Variants in METTL8 observed in about 807,000 individuals in gnomAD.
The protein encoded by METTL8 is tRNA N(3)-cytidine methyltransferase METTL8, mitochondrial.
A neutral mutation model predicts 48.7 loss-of-function variants in METTL8; 32 were observed. That is an observed-to-expected ratio of 0.66 (90% CI 0.50 to 0.88). METTL8 has a LOEUF of 0.88. METTL8 is among the 40% of genes least tolerant of loss of function. METTL8 has a pLI of 0.00. For missense variants in METTL8, 464 were observed against 474.4 expected, an observed-to-expected ratio of 0.98 and a Z score of 0.20; for synonymous variants, 136 against 157.1, an observed-to-expected ratio of 0.87 and a Z score of 1.01.
chr2:171,416,516 G>T (rs754794197), intron 1 of METTL8, among the ~76,000 whole-genome samples: 1 of 152,168 alleles, frequency 6.6e-6, no homozygotes, highest in Admixed American at 6.5e-5. Context: ...TAAGTTCAAC[G>T]ATTTCACCTT....
chr2:171,376,398 A>G (rs1245220181), intron 2 of METTL8, among the ~76,000 whole-genome samples: 1 of 152,150 alleles, frequency 6.6e-6, no homozygotes, highest in African/African-American at 2.4e-5. Context: ...GGAAAAAAGG[A>G]AGTCAAACTA....
chr2:171,360,921 C>T (rs781326008), intron 2 of METTL8, among the ~76,000 whole-genome samples: 1 of 152,202 alleles, frequency 6.6e-6, no homozygotes, highest in Non-Finnish European at 1.5e-5. Flanking sequence ...TGTATTCTAA[C>T]ACTTTGCTGT....
intron 1 of METTL8, among the ~76,000 whole-genome samples, chr2:171,421,505 T>G (rs1252370660): frequency 6.6e-6 from 1 of 151,142 alleles, no homozygotes; most frequent in African/African-American, 2.4e-5. Context: ...ACATCATTTA[T>G]AACAATGACC....
chr2:171,348,761 G>T (rs2105441878), intron 3 of METTL8, among the ~76,000 whole-genome samples: 1 of 151,970 alleles, frequency 6.6e-6, no homozygotes, highest in East Asian at 1.9e-4. Flanking sequence ...AACTATGCGA[G>T]AATTCATTGA....
chr2:171,390,399 CA>C (rs1240091874), intron 2 of METTL8, among the ~76,000 whole-genome samples: 9 of 152,192 alleles, frequency 5.9e-5, no homozygotes, highest in African/African-American at 1.9e-4. Flanking sequence ...TTAAGAACTA[CA>C]TTTCGTAAAG....
intron 1 of METTL8, among the ~76,000 whole-genome samples, chr2:171,427,619 C>G (rs1317572669): frequency 6.6e-6 from 1 of 152,116 alleles, no homozygotes; most frequent in African/African-American, 2.4e-5. Context: ...TGCAGATCAG[C>G]TCCTCCTCAT....
intron 1 of METTL8, among the ~76,000 whole-genome samples, chr2:171,393,533 TGTA>T (rs1688783253): frequency 6.6e-6 from 1 of 152,146 alleles, no homozygotes; most frequent in Non-Finnish European, 1.5e-5. Flanking sequence ...ATCTTAATTA[TGTA>T]CTTGTAAATA....
At chr2:171,377,019 T>C (rs1687041073) in intron 2 of METTL8, among the ~76,000 whole-genome samples, 1 of 152,100 alleles carries the variant, frequency 6.6e-6, no homozygotes, top group Non-Finnish European at 1.5e-5. Context: ...TGGAACAGAA[T>C]ATAGAACTCA....
At chr2:171,391,441 T>G (rs1475208829) in intron 2 of METTL8, among the ~76,000 whole-genome samples, 1 of 152,176 alleles carries the variant, frequency 6.6e-6, no homozygotes, top group Admixed American at 6.5e-5. Context: ...CTTTAAGAAA[T>G]CTTTCTGACT....
intron 1 of METTL8, among the ~76,000 whole-genome samples, chr2:171,399,238 C>T (rs77436825): frequency 0.043 from 6,547 of 152,150 alleles, 208 homozygotes; most frequent in South Asian, 0.13. Flanking sequence ...CACTAAGGAA[C>T]AGACGAGAAA....
chr2:171,407,032 T>C (rs1309479059), intron 1 of METTL8, among the ~76,000 whole-genome samples: 4 of 152,148 alleles, frequency 2.6e-5, no homozygotes, highest in Non-Finnish European at 4.4e-5. Context: ...ATTAGGACTA[T>C]TTAGGCTTGT....
chr2:171,396,550 C>A lies in METTL8; in HGVS notation c.-12-4353G>T, dbSNP rs148613248. ...TTGTGTGCTTTTCTAATAGGCAGTG[C>A]TTTTCTAATAGGCAGCATATTGTCA... is the stretch of plus-strand genomic sequence containing the variant. On this transcript the variant is annotated intron_variant, in intron 1 of 9. Transcript: ENST00000375258. Among the ~76,000 whole-genome samples the A allele has an allele frequency of 1.4e-3, 214 of 152,206 alleles. 4 individuals carry two copies. In the East Asian group the frequency reaches 0.015, roughly 11 times the overall value.
At chr2:171,331,895 AT>A (rs1332190710) in intron 5 of METTL8, 28 bp from the exon 6 acceptor site, 3 of 1,525,056 alleles carry the variant, frequency 2.0e-6, no homozygotes, top group Non-Finnish European at 2.7e-6. Context: ...ATATTTATTT[AT>A]TTTTTTGGAG....
chr2:171,330,508 T>C (rs1436473485), intron 7 of METTL8, 51 bp downstream of exon 7: 1 of 1,554,668 alleles, frequency 6.4e-7, no homozygotes, highest in Admixed American at 2.0e-5. Flanking sequence ...TGAAAACCAC[T>C]ACTGATAAAG....
chr2:171,353,957 A>G (rs568752097), intron 3 of METTL8, among the ~76,000 whole-genome samples: 1,608 of 152,310 alleles, frequency 0.011, 9 homozygotes, highest in Non-Finnish European at 0.015. Flanking sequence ...TAGCCCATTT[A>G]CATTTAAGGT....
chr2:171,335,114 C>G (rs1685948508), intron 5 of METTL8, among the ~76,000 whole-genome samples: 1 of 151,980 alleles, frequency 6.6e-6, no homozygotes, highest in Non-Finnish European at 1.5e-5. Context: ...AAATTTCAGC[C>G]CAGAAACTAG....
chr2:171,392,323 T>C (rs1688652245), intron 1 of METTL8, 126 bp from the exon 2 acceptor site: 4 of 699,288 alleles, frequency 5.7e-6, no homozygotes, highest in African/African-American at 3.6e-5. Flanking sequence ...AACTTTTTAA[T>C]GAAAGATGAG....
chr2:171,321,713 A>C lies in METTL8; in HGVS notation c.*2459T>G, dbSNP rs1256105716. ...TATTTGAGTGTTTGTATATTGTCTT[A>C]GATCATGATTTACAGGTTTGGGATA... On this transcript the variant is annotated 3_prime_UTR_variant, in exon 10 of 10. Coordinates refer to ENST00000375258, the MANE Select transcript of METTL8 (RefSeq NM_001321154.2). 1 of 152,168 alleles carries C rather than the reference A, an allele frequency of 6.6e-6. No individual in the cohort carries two copies. 9.4% of individuals were successfully genotyped at this position (152,168 alleles called of 1,614,324 possible).
chr2:171,426,558 T>C (rs1337851810), intron 1 of METTL8, among the ~76,000 whole-genome samples: 1 of 152,232 alleles, frequency 6.6e-6, no homozygotes, highest in Non-Finnish European at 1.5e-5. Flanking sequence ...CATAAAGGAT[T>C]GATATTCTTT....
Sources: gnomAD v4.1 joint callset for allele counts (sites outside exome capture counted in the v4.1 genomes callset) on GRCh38, gnomAD v4.1.1 for gene constraint, MANE v1.5 for transcripts, NCBI Gene and HGNC (gene_info 2026-07-23, HGNC 2026-07-21) for gene names.